PLXNA4: variants seen among roughly 807,000 people sequenced by gnomAD.
The protein encoded by PLXNA4 is plexin-A4.
PLXNA4 carries 44 observed loss-of-function variants against 191.8 expected under a neutral mutation model. The observed-to-expected ratio is 0.23, with a 90% CI of 0.18 to 0.29. The LOEUF (loss-of-function observed/expected upper bound fraction) is 0.29. Among genes scored for constraint, PLXNA4 ranks in the 10% least tolerant of loss-of-function variants. The probability of loss-of-function intolerance (pLI) is 1.00; values close to 1 mark genes in which losing one functional copy is unlikely to be tolerated. For synonymous variants in PLXNA4, 1,082 were observed against 1,009.5 expected (o/e 1.07, Z -1.36); for missense variants, 1,800 against 2,488.8 (o/e 0.72, Z 5.89).
intron 3 of PLXNA4, among the ~76,000 whole-genome samples, chr7:132,458,971 G>A (rs1796404516): frequency 6.6e-6 from 1 of 152,174 alleles, no homozygotes; most frequent in African/African-American, 2.4e-5. Flanking sequence ...AATGTGCAAA[G>A]CCCTCATTTT....
chr7:132,264,181 C>T (rs1163245115), intron 4 of PLXNA4: 1 of 152,168 alleles, frequency 6.6e-6, no homozygotes, highest in African/African-American at 2.4e-5. Context: ...GATCCCAAAA[C>T]TGAAGAATTG....
intron 4 of PLXNA4, among the ~76,000 whole-genome samples, chr7:132,259,132 C>A (rs906315043): frequency 3.9e-5 from 6 of 152,178 alleles, no homozygotes; most frequent in African/African-American, 1.2e-4. Flanking sequence ...CAGTATTGAG[C>A]CACTTCAGGG....
intron 23 of PLXNA4, among the ~76,000 whole-genome samples, chr7:132,164,618 C>T (rs2880078): frequency 6.6e-6 from 1 of 151,938 alleles, no homozygotes; most frequent in Non-Finnish European, 1.5e-5. Context: ...ACCCCGCTCT[C>T]TCAGAGGCCC....
chr7:132,358,561 C>T (rs548933133), intron 3 of PLXNA4, among the ~76,000 whole-genome samples: 2 of 152,138 alleles, frequency 1.3e-5, no homozygotes, highest in South Asian at 2.1e-4. Flanking sequence ...TGGGTATGGC[C>T]GTTTAGAGGT....
At chr7:132,144,331 G>A (rs187412810) in intron 29 of PLXNA4, among the ~76,000 whole-genome samples, 2 of 152,296 alleles carry the variant, frequency 1.3e-5, no homozygotes, top group African/African-American at 4.8e-5. Flanking sequence ...GAATACTGAT[G>A]TGCGATCTTG....
At chr7:132,426,998 C>T (rs1284480073) in intron 3 of PLXNA4, among the ~76,000 whole-genome samples, 2 of 152,150 alleles carry the variant, frequency 1.3e-5, no homozygotes, top group Admixed American at 6.5e-5. Flanking sequence ...GGACCAAGCT[C>T]AGCATATGAA....
At chr7:132,512,859 G>A (rs1431447882) in intron 1 of PLXNA4, among the ~76,000 whole-genome samples, 2 of 152,078 alleles carry the variant, frequency 1.3e-5, no homozygotes, top group African/African-American at 2.4e-5. Context: ...CCACCATTTC[G>A]CTCTCAAGTC....
intron 2 of PLXNA4, among the ~76,000 whole-genome samples, chr7:132,621,713 C>T (rs985809061): frequency 6.6e-6 from 1 of 152,154 alleles, no homozygotes; most frequent in Admixed American, 6.6e-5. Context: ...TGATAAATAG[C>T]ATTCTGAAGT....
intron 5 of PLXNA4, among the ~76,000 whole-genome samples, chr7:132,230,796 T>C (rs938180574): frequency 6.6e-6 from 1 of 152,222 alleles, no homozygotes; most frequent in Admixed American, 6.5e-5. Flanking sequence ...TTCCTATTTC[T>C]AAGAGCAATC....
chr7:132,283,000 C>A (rs913826352), intron 4 of PLXNA4, among the ~76,000 whole-genome samples: 16 of 152,048 alleles, frequency 1.1e-4, no homozygotes, highest in African/African-American at 3.1e-4. Context: ...CCTCAGCCCC[C>A]CCCAAGTAAC....
At chr7:132,165,758 G>T (rs1796104114) in intron 22 of PLXNA4, among the ~76,000 whole-genome samples, 1 of 151,610 alleles carries the variant, frequency 6.6e-6, no homozygotes, top group Non-Finnish European at 1.5e-5. Flanking sequence ...TACCAATTTG[G>T]CAGGGAATAG....
intron 30 of PLXNA4, among the ~76,000 whole-genome samples, chr7:132,139,920 G>T (rs1584754634): frequency 6.6e-6 from 1 of 152,236 alleles, no homozygotes; most frequent in South Asian, 2.1e-4. Flanking sequence ...TAGTTCAGGT[G>T]CTTGGCGTAT....
At chr7:132,192,115 G>T (rs768654171) in intron 14 of PLXNA4, among the ~76,000 whole-genome samples, 8 of 152,186 alleles carry the variant, frequency 5.3e-5, no homozygotes, top group Non-Finnish European at 1.2e-4. Flanking sequence ...TGGAGCAGAT[G>T]CAGGCCCAGT....
rs1803029045 is a variant in PLXNA4 at position 132,610,749 on chromosome 7, C to G, written c.-87+35179G>C. On this transcript the variant is annotated intron_variant, in intron 2 of 4. Coordinates refer to the PLXNA4 transcript ENST00000378539. ...TGAAGGAATCCTTTCCATTCATTTG[C>G]CTAAGGCTCCTCTTCTCCTCCCAGT... Among the ~76,000 whole-genome samples the G allele has an allele frequency of 3.3e-5, 5 of 152,348 alleles. No homozygotes were observed. In the South Asian group the frequency reaches 1.0e-3, roughly 32 times the overall value.
chr7:132,345,835 G>T (rs531911617), intron 3 of PLXNA4, among the ~76,000 whole-genome samples: 1 of 152,102 alleles, frequency 6.6e-6, no homozygotes, highest in Non-Finnish European at 1.5e-5. Context: ...TCAAAGGACC[G>T]CAGCATGGCA....
intron 5 of PLXNA4, among the ~76,000 whole-genome samples, chr7:132,230,963 C>T (rs1028087801): frequency 1.3e-5 from 2 of 152,202 alleles, no homozygotes; most frequent in Non-Finnish European, 2.9e-5. Context: ...AGGTGGCACA[C>T]AGGTGTTTGC....
At chr7:132,332,050 C>T (rs1265977952) in intron 3 of PLXNA4, among the ~76,000 whole-genome samples, 1 of 152,202 alleles carries the variant, frequency 6.6e-6, no homozygotes, top group Non-Finnish European at 1.5e-5. Context: ...GACTTCTAAA[C>T]TCCCTTCAAA....
chr7:132,484,718 C>T, intron 3 of PLXNA4: 1 of 1,539,436 alleles, frequency 6.5e-7, no homozygotes, highest in Non-Finnish European at 8.8e-7. Flanking sequence ...AACATTGTAT[C>T]TCCATTTGAT....
chr7:132,431,318 C>T (rs1343068984), intron 3 of PLXNA4, among the ~76,000 whole-genome samples: 1 of 152,104 alleles, frequency 6.6e-6, no homozygotes, highest in African/African-American at 2.4e-5. Context: ...CACTCCCCAC[C>T]TCCCCTCTCC....
Sources: allele counts gnomAD v4.1 joint callset (sites outside exome capture counted in the v4.1 genomes callset), GRCh38; gene constraint gnomAD v4.1.1; transcripts MANE v1.5; gene names NCBI Gene and HGNC (gene_info 2026-07-23, HGNC 2026-07-21).